The following TCF12 variants were observed in gnomAD, a reference collection of about 807,000 sequenced individuals.
The protein encoded by TCF12 is DNA-binding protein HTF4.
A neutral mutation model predicts 86.0 loss-of-function variants in TCF12; 45 were observed. That is an observed-to-expected ratio of 0.52 (90% CI 0.41 to 0.67). The LOEUF (loss-of-function observed/expected upper bound fraction) is 0.67, where lower values mean the gene tolerates loss of function less well. Ranked by LOEUF, TCF12 falls within the 30% of genes least tolerant of loss-of-function variation. TCF12 has a pLI of 0.00. For missense variants in TCF12, 881 were observed against 859.9 expected, an observed-to-expected ratio of 1.02 and a Z score of -0.31; for synonymous variants, 330 against 299.6, an observed-to-expected ratio of 1.10 and a Z score of -1.05.
At chr15:57,270,068 G>A (rs1267063263) in intron 18 of TCF12, among the ~76,000 whole-genome samples, 1 of 152,146 alleles carries the variant, frequency 6.6e-6, no homozygotes, top group Non-Finnish European at 1.5e-5. Context: ...TATCTTTGTG[G>A]TGTTCTCTGT....
intron 6 of TCF12, among the ~76,000 whole-genome samples, chr15:57,178,714 G>A (rs1447508128): frequency 6.6e-6 from 1 of 152,146 alleles, no homozygotes; most frequent in African/African-American, 2.4e-5. Context: ...TGTAAATTCA[G>A]GCATTCAGAA....
chr15:57,231,071 C>A lies in TCF12; in HGVS notation c.580-81C>A, dbSNP rs138915969. 998 of 1,088,300 alleles carry A rather than the reference C, an allele frequency of 9.2e-4. 5 individuals are homozygous for A. In the African/African-American group the frequency reaches 0.014, roughly 15 times the overall value. 67.4% of individuals were successfully genotyped at this position (1,088,300 alleles called of 1,614,324 possible). A position where few individuals can be genotyped will look rare whatever the true frequency, so the allele number is the denominator to read the frequency against. On this transcript the variant is annotated intron_variant, in intron 8 of 20. Coordinates refer to ENST00000333725, the MANE Select transcript of TCF12 (RefSeq NM_207037.2). ...AAATTAGATAGGCCTTTTTAAGCCC[C>A]TTACAGAATATAGAACTCATTTTAC... is the stretch of plus-strand genomic sequence containing the variant.
intron 3 of TCF12, among the ~76,000 whole-genome samples, chr15:56,931,364 GC>G (rs1399560851): frequency 2.0e-5 from 3 of 152,110 alleles, no homozygotes; most frequent in African/African-American, 7.2e-5. Flanking sequence ...GTTAAAGCAT[GC>G]AGAGAAATTT....
At chr15:57,014,895 G>GTTA (rs1178540327) in intron 3 of TCF12, among the ~76,000 whole-genome samples, 10 of 59,622 alleles carry the variant, frequency 1.7e-4, no homozygotes, top group African/African-American at 6.8e-4. Flanking sequence ...TATTATTATT[G>GTTA]TTATTATTAT....
chr15:56,931,233 T>A (rs993514134), intron 3 of TCF12, among the ~76,000 whole-genome samples: 4 of 152,154 alleles, frequency 2.6e-5, no homozygotes, highest in Admixed American at 2.0e-4. Flanking sequence ...CTTTTCAGGC[T>A]GAGTTTTATT....
chr15:57,166,155 A>G (rs1214512285), intron 5 of TCF12, among the ~76,000 whole-genome samples: 1 of 151,606 alleles, frequency 6.6e-6, no homozygotes, highest in Non-Finnish European at 1.5e-5. Flanking sequence ...GGACTAAAGC[A>G]GTCCTCCCAC....
At chr15:57,086,918 T>G (rs1442032645) in intron 4 of TCF12, among the ~76,000 whole-genome samples, 1 of 152,114 alleles carries the variant, frequency 6.6e-6, no homozygotes, top group Non-Finnish European at 1.5e-5. Flanking sequence ...ATGAGCCGTT[T>G]TAAAAATTAG....
intron 3 of TCF12, among the ~76,000 whole-genome samples, chr15:56,929,486 G>T (rs1407046475): frequency 6.6e-6 from 1 of 150,824 alleles, no homozygotes; most frequent in Admixed American, 6.6e-5. Flanking sequence ...GAGAGCTTTG[G>T]TTTTTTTTTG....
At chr15:57,136,997 T>A (rs2052590866) in intron 5 of TCF12, among the ~76,000 whole-genome samples, 5 of 97,944 alleles carry the variant, frequency 5.1e-5, no homozygotes, top group Non-Finnish European at 5.8e-5. Context: ...TTTTTTTTTT[T>A]GAGACGGAGT....
chr15:56,964,496 C>T (rs747149509), intron 3 of TCF12, among the ~76,000 whole-genome samples: 1 of 152,174 alleles, frequency 6.6e-6, no homozygotes, highest in Non-Finnish European at 1.5e-5. Context: ...AGCCATTGCT[C>T]AAGATGTATC....
In TCF12 at chr15:57,250,884, A is replaced by T. The variant is rs1371754665; in HGVS notation, c.1115-466A>T. Among the ~76,000 whole-genome samples the T allele has an allele frequency of 2.6e-5, 4 of 151,096 alleles. No individual in the cohort carries two copies. The South Asian group carries it at 6.3e-4, about 24-fold the overall frequency. On this transcript the variant is annotated intron_variant, in intron 13 of 20. Coordinates refer to ENST00000333725, the MANE Select transcript of TCF12 (RefSeq NM_207037.2). ...GCGCTCCAGCCTGGGCGACAGTGAG[A>T]CTCCATCTCAAAAAAAAAAAAGAAA... is the stretch of plus-strand genomic sequence containing the variant.
At chr15:56,986,857 C>T (rs2063202921) in intron 3 of TCF12, among the ~76,000 whole-genome samples, 1 of 152,154 alleles carries the variant, frequency 6.6e-6, no homozygotes, top group South Asian at 2.1e-4. Flanking sequence ...AAATTAGTTA[C>T]ATGTAATACA....
chr15:57,076,585 G>A (rs1480487691), intron 4 of TCF12, among the ~76,000 whole-genome samples: 7 of 150,514 alleles, frequency 4.7e-5, no homozygotes, highest in African/African-American at 9.8e-5. Flanking sequence ...CCCAGGAGGC[G>A]AAGCTTGCAG....
intron 8 of TCF12, among the ~76,000 whole-genome samples, chr15:57,223,643 GTTTTTTTT>G (rs550493641): frequency 2.0e-4 from 14 of 69,690 alleles, no homozygotes; most frequent in South Asian, 6.8e-4. Flanking sequence ...TACCAATGAG[GTTTTTTTT>G]TTTTTTTTTT....
At chr15:57,014,499 A>G (rs561876431) in intron 3 of TCF12, among the ~76,000 whole-genome samples, 3 of 152,214 alleles carry the variant, frequency 2.0e-5, no homozygotes, top group East Asian at 1.9e-4. Flanking sequence ...AATGTGGCCT[A>G]TCCCCAGAGA....
intron 3 of TCF12, among the ~76,000 whole-genome samples, chr15:56,953,009 A>G (rs1466520656): frequency 6.6e-6 from 1 of 152,026 alleles, no homozygotes; most frequent in East Asian, 1.9e-4. Context: ...CTTGTATTAA[A>G]TTGAGGGAGT....
At chr15:57,114,978 T>TTTGCTCTCTGTTTATG (rs1312156385) in intron 5 of TCF12, among the ~76,000 whole-genome samples, 1 of 152,218 alleles carries the variant, frequency 6.6e-6, no homozygotes, top group Non-Finnish European at 1.5e-5. Context: ...GCATGTTTAT[T>TTTGCTCTCTGTTTATG]TTGCTCTCTG....
intron 8 of TCF12, among the ~76,000 whole-genome samples, chr15:57,229,437 T>C: frequency 6.6e-6 from 1 of 151,754 alleles, no homozygotes; most frequent in East Asian, 1.9e-4. Flanking sequence ...ACTTCTCAGG[T>C]ACCACAGATG....
Position 57,068,219 on chromosome 15 carries a change from AGTT to A in TCF12, c.222+4401_222+4403del, listed in dbSNP as rs1309236186. ...GGGGATAATGATATCTGTTTCATGA[AGTT>A]GTTGAGGATTAAATGAGGCAATATA... is the stretch of plus-strand genomic sequence containing the variant. On this transcript the variant is annotated intron_variant, in intron 4 of 20. Transcript: ENST00000333725. Among the ~76,000 whole-genome samples the A allele has an allele frequency of 5.9e-5, 9 of 152,264 alleles. No individual in the cohort carries two copies. The East Asian group carries it at 1.7e-3, about 29-fold the overall frequency.
Sources: gnomAD v4.1 joint callset for allele counts (sites outside exome capture counted in the v4.1 genomes callset) on GRCh38, gnomAD v4.1.1 for gene constraint, MANE v1.5 for transcripts, NCBI Gene and HGNC (gene_info 2026-07-23, HGNC 2026-07-21) for gene names.